The following GNG12 variants were observed in gnomAD, a reference collection of about 807,000 sequenced individuals.
GNG12 encodes G protein subunit gamma 12, also known as guanine nucleotide-binding protein G(I)/G(S)/G(O) subunit gamma-12.
For missense variants in GNG12, 69 were observed against 83.8 expected (o/e 0.82, Z 0.69); for synonymous variants, 28 against 29.7 (o/e 0.94, Z 0.19).
At chr1:67,757,909 T>C (rs1004567657) in intron 2 of GNG12, among the ~76,000 whole-genome samples, 3 of 152,222 alleles carry the variant, frequency 2.0e-5, no homozygotes, top group Non-Finnish European at 4.4e-5. Flanking sequence ...AGGGGTTACA[T>C]AAACGAGTCT....
chr1:67,789,171 A>G (rs1487527996), intron 1 of GNG12, among the ~76,000 whole-genome samples: 1 of 152,190 alleles, frequency 6.6e-6, no homozygotes, highest in Non-Finnish European at 1.5e-5. Context: ...CTTCAATGGT[A>G]AGACCAAGGG....
rs142234312 is a variant in GNG12 at position 67,770,647 on chromosome 1, C to A, written c.-27+6811G>T. 6.2e-3 allele frequency among the ~76,000 whole-genome samples: 939 copies of A among 152,194 alleles called. 9 individuals are homozygous for A. The highest frequency in any genetic ancestry group is 0.022 in the African/African-American group (898 of 41,540). On this transcript the variant is annotated intron_variant, in intron 2 of 3. Coordinates refer to ENST00000370982, the MANE Select transcript of GNG12 (RefSeq NM_018841.6). ...CAGGAGGAGAGAACCACCCAAATCC[C>A]GGGGGGCCCAGAGCAAGGCCCCTCA...
chr1:67,819,205 G>T (rs2100819523), intron 1 of GNG12, among the ~76,000 whole-genome samples: 1 of 152,244 alleles, frequency 6.6e-6, no homozygotes, highest in East Asian at 1.9e-4. Flanking sequence ...AGATGAAGGG[G>T]AGGGAGGCGT....
intron 1 of GNG12, 23 bp from the exon 2 acceptor site, chr1:67,777,530 T>C: frequency 4.8e-6 from 3 of 627,582 alleles, no homozygotes; most frequent in Non-Finnish European, 6.0e-6. Context: ...TAAATAAACA[T>C]TCCATAAGTA....
At chr1:67,779,868 T>C (rs1041478919) in intron 1 of GNG12, among the ~76,000 whole-genome samples, 3 of 152,188 alleles carry the variant, frequency 2.0e-5, no homozygotes, top group Non-Finnish European at 4.4e-5. Context: ...GTAGAGCCTA[T>C]TGTGTCTAGG....
intron 1 of GNG12, among the ~76,000 whole-genome samples, chr1:67,779,193 A>G (rs1392721823): frequency 1.3e-5 from 2 of 152,182 alleles, no homozygotes; most frequent in Non-Finnish European, 2.9e-5. Flanking sequence ...GAATCAAGTA[A>G]AAGAATTAAG....
intron 2 of GNG12, among the ~76,000 whole-genome samples, chr1:67,737,373 C>T (rs12071281): frequency 0.086 from 13,101 of 151,992 alleles, 587 homozygotes; most frequent in Admixed American, 0.11. Flanking sequence ...TAAGGCAATA[C>T]CTCATTTATT....
At position 67,742,192 on chromosome 1, in the gene GNG12, T is replaced by C. The variant is rs184936182; in HGVS notation, c.-26-34480A>G. Among the ~76,000 whole-genome samples the C allele has an allele frequency of 6.6e-5, 10 of 152,328 alleles. No individual in the cohort carries two copies. In the East Asian group the frequency reaches 1.7e-3, roughly 26 times the overall value. On this transcript the variant is annotated intron_variant, in intron 2 of 3. Coordinates refer to ENST00000370982, the MANE Select transcript of GNG12 (RefSeq NM_018841.6). Reference sequence around the variant, plus strand: ...CCCTTTTAGAAATGATCTAAGTAAATGTTCACAACATTCACAAAAAGACTC... The same window carrying C: ...CCCTTTTAGAAATGATCTAAGTAAACGTTCACAACATTCACAAAAAGACTC...
chr1:67,753,829 G>A (rs941625875), intron 2 of GNG12, among the ~76,000 whole-genome samples: 1 of 152,164 alleles, frequency 6.6e-6, no homozygotes, highest in African/African-American at 2.4e-5. Context: ...GATCCCCTTG[G>A]GTGGTTTCTG....
chr1:67,818,591 T>G (rs1389468479), intron 1 of GNG12, among the ~76,000 whole-genome samples: 2 of 152,146 alleles, frequency 1.3e-5, no homozygotes, highest in Non-Finnish European at 2.9e-5. Flanking sequence ...AAATATGGAC[T>G]TATCTAGCTG....
chr1:67,727,104 T>C (rs1646391331), intron 2 of GNG12, among the ~76,000 whole-genome samples: 1 of 152,242 alleles, frequency 6.6e-6, no homozygotes, highest in Admixed American at 6.5e-5. Flanking sequence ...ATTCATCTTA[T>C]GAGTGGCACT....
chr1:67,727,519 A>G (rs1451500701), intron 2 of GNG12, among the ~76,000 whole-genome samples: 1 of 152,236 alleles, frequency 6.6e-6, no homozygotes, highest in Non-Finnish European at 1.5e-5. Flanking sequence ...GCATTTACAA[A>G]TGAGCAGATC....
intron 2 of GNG12, among the ~76,000 whole-genome samples, chr1:67,750,589 T>C (rs1048299700): frequency 2.6e-5 from 4 of 152,214 alleles, no homozygotes; most frequent in African/African-American, 9.7e-5. Context: ...TACAGATCAG[T>C]AGGTGATCAT....
At chr1:67,744,330 G>T (rs1646497367) in intron 2 of GNG12, among the ~76,000 whole-genome samples, 1 of 152,112 alleles carries the variant, frequency 6.6e-6, no homozygotes, top group South Asian at 2.1e-4. Context: ...GATTGTTCTG[G>T]GTTAAACAGC....
chr1:67,725,854 A>T (rs543850530), intron 2 of GNG12, among the ~76,000 whole-genome samples: 1 of 152,362 alleles, frequency 6.6e-6, no homozygotes, highest in African/African-American at 2.4e-5. Context: ...TTTCAAGTTC[A>T]TTAAAATTTT....
chr1:67,759,062 G>A (rs1336902771), intron 2 of GNG12, among the ~76,000 whole-genome samples: 4 of 152,148 alleles, frequency 2.6e-5, no homozygotes, highest in East Asian at 1.9e-4. Flanking sequence ...AAAGATAAAT[G>A]TCTGAGGTGA....
intron 1 of GNG12, among the ~76,000 whole-genome samples, chr1:67,786,981 G>A (rs1018338242): frequency 5.7e-5 from 6 of 106,066 alleles, no homozygotes; most frequent in Non-Finnish European, 1.0e-4. Context: ...GTGTGTGTGT[G>A]TGTGTATGTA....
chr1:67,779,239 C>T (rs923820720), intron 1 of GNG12, among the ~76,000 whole-genome samples: 7 of 152,092 alleles, frequency 4.6e-5, no homozygotes, highest in Non-Finnish European at 7.4e-5. Context: ...ATCCACAGGC[C>T]GCAAAAGAAT....
At chr1:67,814,046 T>A (rs901446148) in intron 1 of GNG12, among the ~76,000 whole-genome samples, 11 of 152,144 alleles carry the variant, frequency 7.2e-5, no homozygotes, top group Admixed American at 3.3e-4. Flanking sequence ...GAGCTGGGAT[T>A]TAAACCCTGC....
Sources: allele counts gnomAD v4.1 joint callset (sites outside exome capture counted in the v4.1 genomes callset), GRCh38; gene constraint gnomAD v4.1.1; transcripts MANE v1.5; gene names NCBI Gene and HGNC (gene_info 2026-07-23, HGNC 2026-07-21).